The following CHST11 variants were observed in gnomAD, a reference collection of about 807,000 sequenced individuals.
The protein encoded by CHST11 is carbohydrate sulfotransferase 11.
In CHST11, 9 loss-of-function variants were observed where a neutral mutation model predicts 30.4. The observed-to-expected ratio is 0.30, with a 90% CI of 0.18 to 0.52. CHST11 has a LOEUF of 0.52. Among genes scored for constraint, CHST11 ranks in the 20% least tolerant of loss-of-function variants. The probability of loss-of-function intolerance (pLI) is 0.97; values close to 1 mark genes in which losing one functional copy is unlikely to be tolerated. For missense variants in CHST11, 348 were observed against 460.6 expected, an observed-to-expected ratio of 0.76 and a Z score of 2.24; for synonymous variants, 152 against 187.8, an observed-to-expected ratio of 0.81 and a Z score of 1.56.
intron 2 of CHST11, among the ~76,000 whole-genome samples, chr12:104,688,080 C>T (rs1247424058): frequency 6.6e-6 from 1 of 152,288 alleles, no homozygotes; most frequent in South Asian, 2.1e-4. Flanking sequence ...AAGATGTGGT[C>T]ATTTGTGTGG....
chr12:104,634,627 T>A (rs1207844987), intron 2 of CHST11, among the ~76,000 whole-genome samples: 6 of 152,248 alleles, frequency 3.9e-5, no homozygotes, highest in Admixed American at 3.9e-4. Context: ...TTTTACTTTA[T>A]GTCAAATATA....
chr12:104,670,613 C>A (rs1425473007), intron 2 of CHST11, among the ~76,000 whole-genome samples: 1 of 150,442 alleles, frequency 6.6e-6, no homozygotes, highest in Non-Finnish European at 1.5e-5. Context: ...ACAAACACAT[C>A]CATACACACG....
chr12:104,612,996 C>G (rs911164157), intron 2 of CHST11, among the ~76,000 whole-genome samples: 5 of 152,034 alleles, frequency 3.3e-5, no homozygotes, highest in Admixed American at 6.6e-5. Flanking sequence ...CTGAGGCAGC[C>G]AGATTGCTTG....
At chr12:104,602,049 T>C in intron 2 of CHST11, 58 bp downstream of exon 2, 2 of 1,220,884 alleles carry the variant, frequency 1.6e-6, no homozygotes, top group Non-Finnish European at 2.4e-6. Context: ...GTATGGATAC[T>C]AAAAACTCTA....
chr12:104,748,013 G>A (rs752569258), intron 2 of CHST11, among the ~76,000 whole-genome samples: 3 of 152,324 alleles, frequency 2.0e-5, no homozygotes, highest in Middle Eastern at 6.8e-3. Context: ...TTTTATAAAT[G>A]TCCAAATTAA....
chr12:104,547,182 G>C (rs1440879203), intron 1 of CHST11, among the ~76,000 whole-genome samples: 1 of 152,180 alleles, frequency 6.6e-6, no homozygotes, highest in African/African-American at 2.4e-5. Flanking sequence ...CAAATCGTAA[G>C]ATCTTCCCGA....
At chr12:104,495,519 T>C (rs2037791110) in intron 1 of CHST11, among the ~76,000 whole-genome samples, 2 of 152,178 alleles carry the variant, frequency 1.3e-5, no homozygotes, top group African/African-American at 4.8e-5. Flanking sequence ...ATAGTCACAG[T>C]CCTAGTAGGT....
chr12:104,458,762 G>A lies in CHST11; in HGVS notation c.118+1233G>A, dbSNP rs1401331264. Among the ~76,000 whole-genome samples the A allele has an allele frequency of 6.6e-6, 1 of 152,256 alleles. No homozygotes were observed. The highest frequency in any genetic ancestry group is 2.4e-5 in the African/African-American group (1 of 41,466). On this transcript the variant is annotated intron_variant, in intron 1 of 2. Coordinates refer to ENST00000303694, the MANE Select transcript of CHST11 (RefSeq NM_018413.6). The surrounding 1 kb of genome is among the most constrained non-coding windows in gnomAD (Gnocchi z 5.7). ...CTTTTCTAATTGCAAGGAGGAGGGA[G>A]GTGGAAACGCATTTCCTTCCAGGGA...
chr12:104,504,256 A>T (rs115270363), intron 1 of CHST11, among the ~76,000 whole-genome samples: 3,689 of 152,278 alleles, frequency 0.024, 168 homozygotes, highest in African/African-American at 0.083. Flanking sequence ...TTTCTCCCCG[A>T]CTGCTCATGG....
chr12:104,538,152 T>A lies in CHST11; in HGVS notation c.119-63754T>A, dbSNP rs545501327. Among the ~76,000 whole-genome samples, 3 of 152,384 alleles carry A rather than the reference T, an allele frequency of 2.0e-5. No homozygotes were observed. The East Asian group carries it at 5.8e-4, about 29-fold the overall frequency. On this transcript the variant is annotated intron_variant, in intron 1 of 2. Transcript: ENST00000303694. ...TCCATGCAAGAGATCACATTATGTT[T>A]AGTTGTCATGTCTTCATAGGCATGT...
At chr12:104,563,122 C>T (rs1015780353) in intron 1 of CHST11, among the ~76,000 whole-genome samples, 10 of 152,138 alleles carry the variant, frequency 6.6e-5, no homozygotes, top group African/African-American at 2.4e-4. Flanking sequence ...CTCACTCAAC[C>T]TCCGTCCCCC....
intron 1 of CHST11, among the ~76,000 whole-genome samples, chr12:104,510,066 A>G (rs543635763): frequency 6.6e-6 from 1 of 152,284 alleles, no homozygotes; most frequent in South Asian, 2.1e-4. Flanking sequence ...CATTGAGCTT[A>G]CTGAATCAGG....
In CHST11 at chr12:104,729,873, G is replaced by A. The variant is rs889453980; in HGVS notation, c.205-27076G>A. On this transcript the variant is annotated intron_variant, in intron 2 of 2. Transcript: ENST00000303694. This position sits in a 1 kb window ranked among gnomAD's most constrained non-coding sequence, Gnocchi z 4.0. ...CCCTGGTGAGCAAGGTCCACCAGGTGGGAGGGCAAGGCCTCCTCCTCTGGC... is the reference window on the plus strand; with the variant it reads ...CCCTGGTGAGCAAGGTCCACCAGGTAGGAGGGCAAGGCCTCCTCCTCTGGC... 1.6e-4 allele frequency among the ~76,000 whole-genome samples: 25 copies of A among 152,186 alleles called. No individual in the cohort carries two copies. Among genetic ancestry groups the A allele is most frequent in the African/African-American group, 5.8e-4 (24 of 41,438 alleles).
chr12:104,493,895 C>G (rs1029610358), intron 1 of CHST11, among the ~76,000 whole-genome samples: 5 of 152,336 alleles, frequency 3.3e-5, no homozygotes, highest in Admixed American at 3.3e-4. Context: ...ACCATCTTGG[C>G]TCACTGCAGC....
chr12:104,478,163 A>G (rs2037582804), intron 1 of CHST11, among the ~76,000 whole-genome samples: 1 of 152,134 alleles, frequency 6.6e-6, no homozygotes, highest in Admixed American at 6.5e-5. Flanking sequence ...GCAAAAGTGA[A>G]AGACATTGCT....
At chr12:104,512,905 G>A (rs927369175) in intron 1 of CHST11, among the ~76,000 whole-genome samples, 6 of 152,078 alleles carry the variant, frequency 3.9e-5, no homozygotes, top group African/African-American at 1.4e-4. Context: ...TATCTCAGAT[G>A]TTTTCTTGGA....
chr12:104,533,903 G>A (rs1181656215), intron 1 of CHST11, among the ~76,000 whole-genome samples: 2 of 152,162 alleles, frequency 1.3e-5, no homozygotes, highest in Non-Finnish European at 2.9e-5. Context: ...AATTTCCGTT[G>A]GATTGGGCCG....
chr12:104,634,910 C>CATTTGTTG (rs1342041149), intron 2 of CHST11, among the ~76,000 whole-genome samples: 2 of 152,014 alleles, frequency 1.3e-5, no homozygotes, highest in Non-Finnish European at 2.9e-5. Flanking sequence ...GCTGTTCATT[C>CATTTGTTG]ATTCATTTGT....
At chr12:104,748,010 A>G (rs992218163) in intron 2 of CHST11, among the ~76,000 whole-genome samples, 1 of 152,234 alleles carries the variant, frequency 6.6e-6, no homozygotes, top group African/African-American at 2.4e-5. Context: ...GCCTTTTATA[A>G]ATGTCCAAAT....
Sources: allele counts gnomAD v4.1 joint callset (sites outside exome capture counted in the v4.1 genomes callset), GRCh38; gene constraint gnomAD v4.1.1; non-coding constraint Gnocchi (gnomAD v3.1); transcripts MANE v1.5; gene names NCBI Gene and HGNC (gene_info 2026-07-23, HGNC 2026-07-21).